RNF13: variants seen among roughly 807,000 people sequenced by gnomAD.
RNF13 encodes ring finger protein 13.
Under a neutral mutation model 37.7 loss-of-function variants are expected in RNF13, and 19 were observed. That is an observed-to-expected ratio of 0.50 (90% CI 0.35 to 0.74). The LOEUF (loss-of-function observed/expected upper bound fraction) is 0.74. Ranked by LOEUF, RNF13 falls within the 30% of genes least tolerant of loss-of-function variation. The probability of loss-of-function intolerance (pLI) is 0.01; values close to 1 mark genes in which losing one functional copy is unlikely to be tolerated. For missense variants in RNF13, 375 were observed against 453.0 expected (o/e 0.83, Z 1.56); for synonymous variants, 144 against 157.8 (o/e 0.91, Z 0.65).
chr3:149,854,171 C>A (rs1001470933), intron 3 of RNF13, among the ~76,000 whole-genome samples: 2 of 151,746 alleles, frequency 1.3e-5, no homozygotes, highest in African/African-American at 4.8e-5. Context: ...ACCTATTATT[C>A]TTAATTAGGA....
chr3:149,903,965 G>GTCTA (rs1559940509), intron 6 of RNF13, among the ~76,000 whole-genome samples: 3 of 151,176 alleles, frequency 2.0e-5, no homozygotes, highest in Non-Finnish European at 4.4e-5. Flanking sequence ...CTGTCTGTCT[G>GTCTA]TCTGTCTATC....
intron 7 of RNF13, among the ~76,000 whole-genome samples, chr3:149,916,873 T>C (rs1158925507): frequency 6.6e-6 from 1 of 152,224 alleles, no homozygotes; most frequent in East Asian, 1.9e-4. Flanking sequence ...TTTATTCAGC[T>C]AAATGCTTAT....
At chr3:149,870,541 A>G (rs915596911) in intron 3 of RNF13, among the ~76,000 whole-genome samples, 3 of 151,852 alleles carry the variant, frequency 2.0e-5, no homozygotes, top group Non-Finnish European at 4.4e-5. Flanking sequence ...AATTGCTGTA[A>G]TAATCATGTT....
chr3:149,882,252 A>C (rs995014898), intron 4 of RNF13, among the ~76,000 whole-genome samples: 1 of 146,372 alleles, frequency 6.8e-6, no homozygotes, highest in African/African-American at 2.5e-5. Flanking sequence ...AAAATGACTA[A>C]AGTAAAATTT....
intron 7 of RNF13, among the ~76,000 whole-genome samples, chr3:149,915,779 A>G (rs1717444760): frequency 6.6e-6 from 1 of 152,208 alleles, no homozygotes; most frequent in African/African-American, 2.4e-5. Context: ...TACACGAGGT[A>G]CCTGGAGTAG....
At chr3:149,942,954 T>C (rs1720416384) in intron 8 of RNF13, among the ~76,000 whole-genome samples, 1 of 152,208 alleles carries the variant, frequency 6.6e-6, no homozygotes, top group Non-Finnish European at 1.5e-5. Context: ...CCTGGTTTTG[T>C]CCTTCATCTT....
intron 4 of RNF13, 31 bp downstream of exon 4, chr3:149,872,185 C>A: frequency 7.0e-7 from 1 of 1,426,524 alleles, no homozygotes; most frequent in Non-Finnish European, 9.5e-7. Context: ...TTTTTGTTTC[C>A]TATTTGTTCA....
chr3:149,834,683 CCTCT>C (rs139709432), intron 1 of RNF13, among the ~76,000 whole-genome samples: 4 of 152,114 alleles, frequency 2.6e-5, no homozygotes, highest in African/African-American at 4.8e-5. Context: ...CACTTTCTTC[CCTCT>C]CTCTCACTTG....
intron 7 of RNF13, among the ~76,000 whole-genome samples, chr3:149,913,427 G>A (rs945400270): frequency 6.6e-6 from 1 of 152,026 alleles, no homozygotes; most frequent in African/African-American, 2.4e-5. Flanking sequence ...CTACTTTCCC[G>A]CATTGTTAAC....
At chr3:149,923,673 G>A (rs929053608) in intron 8 of RNF13, among the ~76,000 whole-genome samples, 1 of 151,226 alleles carries the variant, frequency 6.6e-6, no homozygotes, top group African/African-American at 2.4e-5. Flanking sequence ...GGCTGAGGCA[G>A]GGGAATCACT....
At chr3:149,917,704 A>G (rs1414959179) in intron 7 of RNF13, among the ~76,000 whole-genome samples, 1 of 152,124 alleles carries the variant, frequency 6.6e-6, no homozygotes, top group African/African-American at 2.4e-5. Flanking sequence ...AAAACATTGT[A>G]TGTTATGGAT....
chr3:149,872,772 G>T (rs982601388), intron 4 of RNF13, among the ~76,000 whole-genome samples: 2 of 152,176 alleles, frequency 1.3e-5, no homozygotes, highest in African/African-American at 4.8e-5. Context: ...TAGGACATGG[G>T]CTATTATTTC....
chr3:149,896,797 C>T (rs1715319076), intron 5 of RNF13, among the ~76,000 whole-genome samples: 1 of 151,784 alleles, frequency 6.6e-6, no homozygotes, highest in African/African-American at 2.4e-5. Flanking sequence ...CCTTCTTAAC[C>T]CTAATAGAGT....
rs542922249 is a variant in RNF13 at position 149,849,424 on chromosome 3, A to G, written c.115-3092A>G. ...AAACACCCAATGGGTGGTGGTGTGAATGGATTGGATTATATAGCATGGGTA... is the reference window on the plus strand; with the variant it reads ...AAACACCCAATGGGTGGTGGTGTGAGTGGATTGGATTATATAGCATGGGTA... On this transcript the variant is annotated intron_variant, in intron 2 of 9. Transcript: ENST00000392894. Among the ~76,000 whole-genome samples, 35 of 152,324 alleles carry G rather than the reference A, an allele frequency of 2.3e-4. No homozygotes were observed. The South Asian group carries it at 7.0e-3, about 31-fold the overall frequency.
chr3:149,943,821 T>A (rs933383916), intron 8 of RNF13, among the ~76,000 whole-genome samples: 17 of 150,934 alleles, frequency 1.1e-4, no homozygotes, highest in African/African-American at 3.9e-4. Context: ...TTTTTTTTTT[T>A]ATATATATAC....
chr3:149,843,127 AT>A (rs780847840), intron 1 of RNF13, among the ~76,000 whole-genome samples: 3 of 152,222 alleles, frequency 2.0e-5, no homozygotes, highest in Non-Finnish European at 4.4e-5. Flanking sequence ...TCTTGTCATT[AT>A]TCTTGAAACA....
At chr3:149,864,861 T>A (rs981335901) in intron 3 of RNF13, among the ~76,000 whole-genome samples, 2 of 152,238 alleles carry the variant, frequency 1.3e-5, no homozygotes, top group Admixed American at 6.5e-5. Flanking sequence ...TTGATCATAT[T>A]TCCTAGCTTT....
At chr3:149,866,121 G>A (rs1233467292) in intron 3 of RNF13, among the ~76,000 whole-genome samples, 1 of 152,074 alleles carries the variant, frequency 6.6e-6, no homozygotes, top group Non-Finnish European at 1.5e-5. Context: ...TAGTGTTATA[G>A]GAAAGGGATC....
chr3:149,819,925 TA>T (rs1245952914), intron 1 of RNF13, among the ~76,000 whole-genome samples: 1 of 152,158 alleles, frequency 6.6e-6, no homozygotes, highest in Non-Finnish European at 1.5e-5. Context: ...TCAGTCTTTT[TA>T]ACTTTGAAAT....
Sources: gnomAD v4.1 joint callset for allele counts (sites outside exome capture counted in the v4.1 genomes callset) on GRCh38, gnomAD v4.1.1 for gene constraint, MANE v1.5 for transcripts, NCBI Gene and HGNC (gene_info 2026-07-23, HGNC 2026-07-21) for gene names.